The following HTR2C variants were observed in gnomAD, a reference collection of about 807,000 sequenced individuals.
HTR2C encodes 5-hydroxytryptamine (serotonin) receptor 2C, G protein-coupled.
Under a neutral mutation model 21.0 loss-of-function variants are expected in HTR2C, and 5 were observed. The ratio of observed to expected loss-of-function variants is 0.24; its 90% CI spans 0.12 to 0.50. The LOEUF is 0.50. Ranked by LOEUF, HTR2C falls within the 20% of genes least tolerant of loss-of-function variation. The probability of loss-of-function intolerance (pLI) is 0.98; values close to 1 mark genes in which losing one functional copy is unlikely to be tolerated. For missense variants in HTR2C, 271 were observed against 371.2 expected, an observed-to-expected ratio of 0.73 and a Z score of 2.22; for synonymous variants, 150 against 145.3, an observed-to-expected ratio of 1.03 and a Z score of -0.23.
intron 5 of HTR2C, among the ~76,000 whole-genome samples, chrX:114,869,105 C>G (rs1556475552): frequency 9.1e-6 from 1 of 110,454 alleles, no homozygotes; most frequent in Non-Finnish European, 1.9e-5. Context: ...GGTTTTCTGT[C>G]CTTGTGATAG....
intron 4 of HTR2C, among the ~76,000 whole-genome samples, chrX:114,821,942 G>A (rs1386752140): frequency 9.8e-6 from 1 of 101,595 alleles, no homozygotes; most frequent in African/African-American, 3.7e-5. Context: ...GCAGTGGCAC[G>A]ATTTTGGCTT....
chrX:114,860,911 G>GTA (rs1461982659), intron 5 of HTR2C, among the ~76,000 whole-genome samples: 1 of 110,778 alleles, frequency 9.0e-6, no homozygotes, highest in Non-Finnish European at 1.9e-5. Context: ...AATGCAATAC[G>GTA]TATACTTTAA....
chrX:114,769,590 AT>A (rs1321411937), intron 4 of HTR2C, among the ~76,000 whole-genome samples: 1 of 110,915 alleles, frequency 9.0e-6, no homozygotes, highest in Non-Finnish European at 1.9e-5. Flanking sequence ...TCATTATCCC[AT>A]TTTCAGTCAC....
At chrX:114,713,132 C>T (rs1932916823) in intron 2 of HTR2C, among the ~76,000 whole-genome samples, 1 of 111,421 alleles carries the variant, frequency 9.0e-6, no homozygotes. Context: ...ATAGAGACAA[C>T]AGTACAGTGA....
chrX:114,898,093 G>A (rs1034542198), intron 5 of HTR2C, among the ~76,000 whole-genome samples: 18 of 112,243 alleles, frequency 1.6e-4, no homozygotes, highest in African/African-American at 4.5e-4. Context: ...TTTAATAGTC[G>A]CCATTCTGGC....
intron 2 of HTR2C, among the ~76,000 whole-genome samples, chrX:114,726,256 G>C (rs1200416102): frequency 8.9e-6 from 1 of 112,399 alleles, no homozygotes; most frequent in African/African-American, 3.2e-5. Context: ...GCGCAGTATT[G>C]GGGTGGGAGT....
chrX:114,774,806 C>T, intron 4 of HTR2C: 2 of 424,280 alleles, frequency 4.7e-6, no homozygotes, highest in East Asian at 4.1e-5. Context: ...TGGAACAATG[C>T]TACATCTATA....
chrX:114,730,549 C>T (rs1388325919), intron 3 of HTR2C, among the ~76,000 whole-genome samples: 2 of 111,550 alleles, frequency 1.8e-5, no homozygotes, highest in African/African-American at 6.5e-5. Context: ...CATAATGGCA[C>T]TTTGCAAATG....
At chrX:114,695,124 GGC>G (rs782491718) in intron 2 of HTR2C, among the ~76,000 whole-genome samples, 52 of 111,779 alleles carry the variant, frequency 4.7e-4, no homozygotes, top group Non-Finnish European at 8.3e-4. Context: ...AACTTATTAA[GGC>G]TTGTAGAAAT....
chrX:114,805,072 G>T (rs1556448225), intron 4 of HTR2C, among the ~76,000 whole-genome samples: 1 of 111,813 alleles, frequency 8.9e-6, no homozygotes, highest in Non-Finnish European at 1.9e-5. Context: ...CATTTAATCT[G>T]CAGGAAAGAA....
chrX:114,658,428 A>G (rs1219478961), intron 2 of HTR2C, among the ~76,000 whole-genome samples: 2 of 111,943 alleles, frequency 1.8e-5, no homozygotes, highest in Non-Finnish European at 3.8e-5. Flanking sequence ...GGAAATATAC[A>G]GGAAATTGCT....
At chrX:114,891,809 A>G (rs1489420809) in intron 5 of HTR2C, among the ~76,000 whole-genome samples, 25 of 111,110 alleles carry the variant, frequency 2.3e-4, no homozygotes, top group Admixed American at 3.9e-4. Flanking sequence ...ATAAGAATAT[A>G]TCTTTTTATC....
At chrX:114,621,016 G>A (rs1275967142) in intron 2 of HTR2C, among the ~76,000 whole-genome samples, 1 of 111,896 alleles carries the variant, frequency 8.9e-6, no homozygotes, top group South Asian at 3.7e-4. Flanking sequence ...ATGTAGCTGG[G>A]ACTACAGGCG....
intron 5 of HTR2C, among the ~76,000 whole-genome samples, chrX:114,864,165 C>A: frequency 9.6e-6 from 1 of 104,237 alleles, no homozygotes; most frequent in Middle Eastern, 4.9e-3. Flanking sequence ...CTTGCTACTG[C>A]CATTTTCTTG....
At chrX:114,591,906 G>A (rs1556391259) in intron 1 of HTR2C, among the ~76,000 whole-genome samples, 1 of 111,523 alleles carries the variant, frequency 9.0e-6, no homozygotes, top group East Asian at 2.8e-4. Context: ...TATGGTATAG[G>A]CAACATTGAT....
intron 5 of HTR2C, among the ~76,000 whole-genome samples, chrX:114,858,034 G>A (rs1212826502): frequency 9.1e-6 from 1 of 110,489 alleles, no homozygotes; most frequent in Non-Finnish European, 1.9e-5. Context: ...TGTTTCTCCT[G>A]GGCTATAAGT....
intron 2 of HTR2C, among the ~76,000 whole-genome samples, chrX:114,684,047 T>TAATATA: frequency 8.9e-6 from 1 of 112,220 alleles, no homozygotes; most frequent in East Asian, 2.8e-4. Flanking sequence ...TATATTTAAT[T>TAATATA]AATATAAATT....
chrX:114,649,663 T>A (rs1212078655), intron 2 of HTR2C, among the ~76,000 whole-genome samples: 1 of 111,376 alleles, frequency 9.0e-6, no homozygotes, highest in Non-Finnish European at 1.9e-5. Context: ...TCGCCCAGGC[T>A]GGAGTGAAGT....
intron 5 of HTR2C, among the ~76,000 whole-genome samples, chrX:114,870,868 A>G (rs2071086736): frequency 9.0e-6 from 1 of 111,283 alleles, no homozygotes; most frequent in South Asian, 3.7e-4. Flanking sequence ...CAAAAAAACT[A>G]CCTTTTGTTT....
Sources: gnomAD v4.1 joint callset for allele counts (sites outside exome capture counted in the v4.1 genomes callset) on GRCh38, gnomAD v4.1.1 for gene constraint, MANE v1.5 for transcripts, NCBI Gene and HGNC (gene_info 2026-07-23, HGNC 2026-07-21) for gene names.